Variants in LDB3 observed in about 807,000 individuals in gnomAD.
The protein encoded by LDB3 is LIM domain-binding protein 3.
LDB3 carries 49 observed loss-of-function variants against 69.0 expected under a neutral mutation model. The ratio of observed to expected loss-of-function variants is 0.71; its 90% CI spans 0.56 to 0.90. LDB3 has a LOEUF of 0.90. LDB3 is among the 40% of genes least tolerant of loss of function. The pLI is 0.00. For missense variants in LDB3, 928 were observed against 974.1 expected (o/e 0.95, Z 0.63); for synonymous variants, 387 against 396.2 (o/e 0.98, Z 0.28).
At chr10:86,725,439 C>A (rs1218485257) in intron 12 of LDB3, among the ~76,000 whole-genome samples, 1 of 152,156 alleles carries the variant, frequency 6.6e-6, no homozygotes, top group East Asian at 1.9e-4. Context: ...CATTCATTCC[C>A]TATATATGTT....
Position 86,681,698 on chromosome 10 carries a change from A to G in LDB3, c.584A>G (p.Tyr195Cys). The part of the protein sequence containing the change: ...ALPGSSQPRQ[Y>C]NNPIGLYSAE... ...CCGGGCTCGAGCCAGCCGAGGCAAT[A>G]TAACAACCCCATTGGCCTGTACTCG... Residue 195 changes from tyrosine to cysteine, a missense_variant, in exon 5 of 14, where the codon TAT becomes TGT. Transcript: ENST00000361373. 1.2e-6 allele frequency: 2 copies of G among 1,613,666 alleles called. No homozygotes were observed. The highest frequency in any genetic ancestry group is 1.7e-6 in the Non-Finnish European group (2 of 1,179,920).
At chr10:86,676,282 G>T (rs536044989) in intron 2 of LDB3, among the ~76,000 whole-genome samples, 54 of 152,066 alleles carry the variant, frequency 3.6e-4, no homozygotes, top group African/African-American at 1.2e-3. Context: ...GGCACCACAG[G>T]CTGGGTGTGG....
chr10:86,730,969 A>G (rs926501837), intron 13 of LDB3, among the ~76,000 whole-genome samples: 1 of 151,896 alleles, frequency 6.6e-6, no homozygotes, highest in Non-Finnish European at 1.5e-5. Flanking sequence ...CCTGGCCAAC[A>G]TGGTGAAACC....
At chr10:86,694,800 A>G (rs957134677) in intron 7 of LDB3, among the ~76,000 whole-genome samples, 1 of 152,148 alleles carries the variant, frequency 6.6e-6, no homozygotes, top group African/African-American at 2.4e-5. Flanking sequence ...ATCTGAGCAG[A>G]AGGGAACATG....
At chr10:86,667,429 G>A (rs1292410871), upstream of LDB3, among the ~76,000 whole-genome samples, 2 of 152,178 alleles carry the variant, frequency 1.3e-5, no homozygotes, top group South Asian at 2.1e-4. Context: ...GGTCTTTCTT[G>A]GGGAAGGGGT....
At chr10:86,698,071 C>T (rs1467623169) in intron 7 of LDB3, among the ~76,000 whole-genome samples, 1 of 152,138 alleles carries the variant, frequency 6.6e-6, no homozygotes, top group African/African-American at 2.4e-5. Context: ...ATAGCCATAC[C>T]CACTCCCCTC....
At chr10:86,671,139 C>T (rs1419842974) in intron 2 of LDB3, among the ~76,000 whole-genome samples, 1 of 152,168 alleles carries the variant, frequency 6.6e-6, no homozygotes, top group Non-Finnish European at 1.5e-5. Flanking sequence ...GGCAGGCAGG[C>T]GAGGCTGGGA....
At chr10:86,686,405 C>T (rs1845470036) in intron 5 of LDB3, among the ~76,000 whole-genome samples, 1 of 152,166 alleles carries the variant, frequency 6.6e-6, no homozygotes, top group Non-Finnish European at 1.5e-5. Context: ...GCCTGCGCTT[C>T]CCCTGCTGTG....
At position 86,732,949 on chromosome 10, in the gene LDB3, G is replaced by C; in HGVS notation, c.2157G>C (p.Lys719Asn). The change falls in exon 14 of 14, where the codon AAG becomes AAC. Residue 719 changes from lysine to asparagine, a missense_variant. Transcript: ENST00000361373. ...FYSKKDRPLC[K>N]KHAHTINL ...CCAAGAAGGACAGACCCCTGTGCAA[G>C]AAGCACGCACACACCATCAACTTGT... 1.2e-6 allele frequency: 2 copies of C among 1,613,910 alleles called. No individual in the cohort carries two copies. Among genetic ancestry groups the C allele is most frequent in the Non-Finnish European group, 1.7e-6 (2 of 1,179,896 alleles).
intron 4 of LDB3, 68 bp from the exon 5 acceptor site, chr10:86,681,368 A>G (rs1292489892): frequency 1.3e-6 from 2 of 1,592,718 alleles, no homozygotes; most frequent in Non-Finnish European, 8.5e-7. Flanking sequence ...TCCACGCAGG[A>G]GCGCTGGGAC....
intron 11 of LDB3, 125 bp from the exon 12 acceptor site, chr10:86,718,602 C>A: frequency 7.6e-7 from 1 of 1,311,378 alleles, no homozygotes; most frequent in Non-Finnish European, 1.1e-6. Context: ...GTGACCAAGG[C>A]CTGCATCCTG....
At chr10:86,680,826 C>T (rs75617312) in intron 4 of LDB3, among the ~76,000 whole-genome samples, 2,520 of 152,322 alleles carry the variant, frequency 0.017, 94 homozygotes, top group African/African-American at 0.058. Context: ...GTGACCCCAC[C>T]TGTCCAATGG....
chr10:86,729,954 C>A (rs143883821), intron 13 of LDB3, among the ~76,000 whole-genome samples: 1,566 of 152,318 alleles, frequency 0.01, 22 homozygotes, highest in African/African-American at 0.03. Flanking sequence ...CCCATTCTCA[C>A]CAGTTAGATC....
rs746751581 is a variant in LDB3, at chr10:86,668,796, C to T, written c.93+12C>T. ...TCACTATCTCCCGGGTGAGTGCACCCTGCCACAGCCTGGCACCCGATGGGG... is the reference window on the plus strand; with the variant it reads ...TCACTATCTCCCGGGTGAGTGCACCTTGCCACAGCCTGGCACCCGATGGGG... On this transcript the variant is annotated intron_variant, in intron 2 of 13. Coordinates refer to ENST00000361373, the MANE Select transcript of LDB3 (RefSeq NM_007078.3). 61 of 1,604,056 alleles carry T rather than the reference C, an allele frequency of 3.8e-5. No individual in the cohort carries two copies. The highest frequency in any genetic ancestry group is 5.1e-5 in the Non-Finnish European group (60 of 1,171,882).
rs187660643 is a variant in LDB3 at position 86,697,586 on chromosome 10, C to T, written c.896+5015C>T. Among the ~76,000 whole-genome samples the T allele has an allele frequency of 1.3e-3, 153 of 118,802 alleles. 4 individuals are homozygous for T. The East Asian group carries it at 0.037, about 29-fold the overall frequency. The allele number at this position is 118,802 out of a possible 152,430, so 77.9% of individuals were successfully genotyped here. On this transcript the variant is annotated intron_variant, in intron 7 of 13. Coordinates refer to ENST00000361373, the MANE Select transcript of LDB3 (RefSeq NM_007078.3). ...TTTTTTTTTTTGAGATGGAGTCTCACTCTGTCGCCCAGGCTGGAGTGCAGT... is the reference window on the plus strand; with the variant it reads ...TTTTTTTTTTTGAGATGGAGTCTCATTCTGTCGCCCAGGCTGGAGTGCAGT...
chr10:86,692,672 C>A, intron 7 of LDB3, 101 bp downstream of exon 7: 1 of 1,103,722 alleles, frequency 9.1e-7, no homozygotes, highest in Non-Finnish European at 1.4e-6. Flanking sequence ...CTCTCAAGTT[C>A]ATGGATTTGG....
chr10:86,694,792 C>G (rs1462782582), intron 7 of LDB3, among the ~76,000 whole-genome samples: 3 of 152,196 alleles, frequency 2.0e-5, no homozygotes, highest in African/African-American at 7.2e-5. Context: ...ACATCACTAT[C>G]TGAGCAGAAG....
intron 2 of LDB3, among the ~76,000 whole-genome samples, chr10:86,670,142 T>C (rs928650988): frequency 6.6e-6 from 1 of 152,140 alleles, no homozygotes; most frequent in Admixed American, 6.5e-5. Context: ...GGAGGGGTGC[T>C]GGCCTGGCTC....
chr10:86,716,493 CCCCAACTATAA>C lies in LDB3; in HGVS notation c.1402_1412del (p.Asn468CysfsTer23), dbSNP rs1564657391. ...CACCAGCCTATACCCCCTCACCTGC[CCCCAACTATAA>C]CCCTGCACCCTCGGTGGCCTACAGC... On this transcript the variant is annotated frameshift_variant, in exon 10 of 14. Coordinates refer to ENST00000361373, the MANE Select transcript of LDB3 (RefSeq NM_007078.3). LOFTEE classifies it high-confidence loss of function. 2.5e-6 allele frequency: 4 copies of C among 1,611,970 alleles called. No homozygotes were observed. The highest frequency in any genetic ancestry group is 3.4e-6 in the Non-Finnish European group (4 of 1,179,398).
Sources: gnomAD v4.1 joint callset for allele counts (sites outside exome capture counted in the v4.1 genomes callset) on GRCh38, gnomAD v4.1.1 for gene constraint, MANE v1.5 for transcripts, NCBI Gene and HGNC (gene_info 2026-07-23, HGNC 2026-07-21) for gene names.